The following RBFOX2 variants were observed in gnomAD, a reference collection of about 807,000 sequenced individuals.
The protein encoded by RBFOX2 is RNA binding protein fox-1 homolog 2.
Under a neutral mutation model 49.1 loss-of-function variants are expected in RBFOX2, and 10 were observed. The observed-to-expected ratio is 0.20, with a 90% CI of 0.13 to 0.35. The LOEUF is 0.35. Ranked by LOEUF, RBFOX2 falls within the 10% of genes least tolerant of loss-of-function variation. RBFOX2 has a pLI of 1.00. For missense variants in RBFOX2, 323 were observed against 486.9 expected, an observed-to-expected ratio of 0.66 and a Z score of 3.17; for synonymous variants, 183 against 187.4, an observed-to-expected ratio of 0.98 and a Z score of 0.19.
chr22:36,022,800 C>CA (rs1244819757), intron 1 of RBFOX2, among the ~76,000 whole-genome samples: 23 of 152,124 alleles, frequency 1.5e-4, no homozygotes, highest in Non-Finnish European at 2.9e-4. Context: ...TCTCTCTCCC[C>CA]CAGGGCACAG....
At chr22:35,892,305 A>G (rs2047342689) in intron 1 of RBFOX2, among the ~76,000 whole-genome samples, 1 of 152,144 alleles carries the variant, frequency 6.6e-6, no homozygotes, top group South Asian at 2.1e-4. Context: ...GGTTTCTGAA[A>G]CCCGTATTCT....
intron 1 of RBFOX2, chr22:35,994,022 C>T (rs2058083930): frequency 6.6e-6 from 1 of 151,902 alleles, no homozygotes; most frequent in African/African-American, 2.4e-5. Context: ...CATTAAAGGT[C>T]CCTCCAAAGT....
chr22:35,835,684 G>C (rs572303319), intron 1 of RBFOX2, among the ~76,000 whole-genome samples: 1 of 152,102 alleles, frequency 6.6e-6, no homozygotes, highest in South Asian at 2.1e-4. Flanking sequence ...AGAGAAGGGG[G>C]CCAAAAAAGA....
intron 1 of RBFOX2, among the ~76,000 whole-genome samples, chr22:35,961,062 G>A (rs1184612354): frequency 1.3e-5 from 2 of 152,108 alleles, no homozygotes; most frequent in South Asian, 4.2e-4. Flanking sequence ...CTTGAAGCAT[G>A]CAGTTTTCCT....
chr22:35,898,393 A>T, intron 1 of RBFOX2: 1 of 525,176 alleles, frequency 1.9e-6, no homozygotes, highest in South Asian at 2.1e-5. Context: ...GGGATTGTGC[A>T]GCGGCCGCCA....
chr22:35,827,024 C>T (rs890033250), intron 1 of RBFOX2, among the ~76,000 whole-genome samples: 12 of 152,112 alleles, frequency 7.9e-5, no homozygotes, highest in Non-Finnish European at 1.3e-4. Flanking sequence ...TCTATGTTAG[C>T]GAACAACAGT....
exon 1 of RBFOX2, chr22:36,028,301 G>A: frequency 6.5e-7 from 1 of 1,531,472 alleles, no homozygotes; most frequent in Non-Finnish European, 8.7e-7. Context: ...GCTCAGGCCG[G>A]GATCGGCTCC....
intron 1 of RBFOX2, among the ~76,000 whole-genome samples, chr22:35,875,892 AAAAT>A (rs751800323): frequency 7.2e-4 from 109 of 152,330 alleles, no homozygotes; most frequent in South Asian, 2.5e-3. Context: ...AAATAGTAAA[AAAAT>A]AAATAAATAA....
chr22:35,856,901 G>A (rs540024593), intron 1 of RBFOX2, among the ~76,000 whole-genome samples: 3 of 152,114 alleles, frequency 2.0e-5, no homozygotes, highest in South Asian at 2.1e-4. Flanking sequence ...GCGTGGCCAC[G>A]TGCGCCTGTA....
intron 1 of RBFOX2, among the ~76,000 whole-genome samples, chr22:35,849,298 AACACACAC>A (rs61515031): frequency 0.055 from 7,267 of 133,300 alleles, 183 homozygotes; most frequent in South Asian, 0.089. Context: ...TACACACACA[AACACACAC>A]ACACACACAC....
rs373090819 is a variant in RBFOX2 at position 35,833,761 on chromosome 22, TA to T, written c.27+6430del. On this transcript the variant is annotated intron_variant, in intron 1 of 11. Coordinates refer to ENST00000405409, the Ensembl canonical transcript of RBFOX2. ...CTGGAGCCAAACTCCTTGGGTTTCC[TA>T]ATTTCTACAACATGGACATTAATAG... 4.1e-4 allele frequency among the ~76,000 whole-genome samples: 62 copies of T among 152,358 alleles called. 1 individual carries two copies. The South Asian group carries it at 9.5e-3, about 23-fold the overall frequency.
chr22:35,989,793 A>G (rs993129728), intron 1 of RBFOX2, among the ~76,000 whole-genome samples: 7 of 152,186 alleles, frequency 4.6e-5, no homozygotes, highest in Non-Finnish European at 8.8e-5. Flanking sequence ...ATTAAGAGGC[A>G]AGATTAAGTG....
intron 2 of RBFOX2, among the ~76,000 whole-genome samples, chr22:35,789,989 T>C (rs1285439525): frequency 6.6e-6 from 1 of 152,184 alleles, no homozygotes; most frequent in Non-Finnish European, 1.5e-5. Context: ...AGCAATTTGT[T>C]CTTTAAGTCT....
chr22:35,806,795 C>T (rs1417548799), intron 2 of RBFOX2, among the ~76,000 whole-genome samples: 4 of 152,160 alleles, frequency 2.6e-5, no homozygotes, highest in African/African-American at 9.7e-5. Flanking sequence ...GAAGCAGGAT[C>T]TAGCTGTGCA....
intron 1 of RBFOX2, among the ~76,000 whole-genome samples, chr22:35,957,026 A>G (rs1194186289): frequency 6.6e-6 from 1 of 152,214 alleles, no homozygotes; most frequent in African/African-American, 2.4e-5. Flanking sequence ...AGTTTGTGGC[A>G]TAATAAGCCC....
At chr22:35,751,862 T>C (rs1056078690) in intron 9 of RBFOX2, among the ~76,000 whole-genome samples, 1 of 152,226 alleles carries the variant, frequency 6.6e-6, no homozygotes, top group Non-Finnish European at 1.5e-5. Flanking sequence ...TTTTCAATAA[T>C]CAAACCTTTC....
chr22:35,883,145 T>C (rs1175950836), intron 1 of RBFOX2, among the ~76,000 whole-genome samples: 1 of 152,242 alleles, frequency 6.6e-6, no homozygotes, highest in Non-Finnish European at 1.5e-5. Context: ...CATCTTTCCC[T>C]TTTGATGAAA....
At chr22:36,027,537 G>A (rs528349723) in intron 1 of RBFOX2, among the ~76,000 whole-genome samples, 2 of 152,204 alleles carry the variant, frequency 1.3e-5, no homozygotes, top group Admixed American at 6.5e-5. Flanking sequence ...TATAGCCCGG[G>A]ACATTAAAGA....
At chr22:35,851,376 T>C (rs2148978342) in intron 1 of RBFOX2, among the ~76,000 whole-genome samples, 1 of 152,300 alleles carries the variant, frequency 6.6e-6, no homozygotes, top group Middle Eastern at 3.4e-3. Flanking sequence ...AATATTGTAC[T>C]AAGCCCTGGA....
Sources: gnomAD v4.1 joint callset for allele counts (sites outside exome capture counted in the v4.1 genomes callset) on GRCh38, gnomAD v4.1.1 for gene constraint, MANE v1.5 for transcripts, NCBI Gene and HGNC (gene_info 2026-07-23, HGNC 2026-07-21) for gene names.